The following LSAMP variants were observed in gnomAD, a reference collection of about 807,000 sequenced individuals.
LSAMP encodes limbic system associated membrane protein.
In LSAMP, 7 loss-of-function variants were observed where a neutral mutation model predicts 38.6. The observed-to-expected ratio is 0.18, with a 90% CI of 0.10 to 0.34. The LOEUF (loss-of-function observed/expected upper bound fraction) is 0.34, where lower values mean the gene tolerates loss of function less well. Ranked by LOEUF, LSAMP falls within the 10% of genes least tolerant of loss-of-function variation. LSAMP has a pLI of 1.00. For missense variants in LSAMP, 313 were observed against 420.0 expected (o/e 0.75, Z 2.23); for synonymous variants, 154 against 166.8 (o/e 0.92, Z 0.59).
At chr3:116,092,573 TTAGTA>T (rs1316151731) in intron 1 of LSAMP, among the ~76,000 whole-genome samples, 1 of 152,196 alleles carries the variant, frequency 6.6e-6, no homozygotes, top group African/African-American at 2.4e-5. Flanking sequence ...TCTTCCCTGT[TTAGTA>T]TATTTGATTC....
intron 3 of LSAMP, among the ~76,000 whole-genome samples, chr3:115,861,738 A>G (rs767657994): frequency 6.6e-6 from 1 of 152,174 alleles, no homozygotes; most frequent in Non-Finnish European, 1.5e-5. Flanking sequence ...CCATTCTAAT[A>G]TGGTTGGTAT....
intron 1 of LSAMP, among the ~76,000 whole-genome samples, chr3:116,191,551 A>G (rs767382612): frequency 3.3e-5 from 5 of 152,044 alleles, no homozygotes; most frequent in Non-Finnish European, 7.4e-5. Context: ...AGGGCTGAGG[A>G]TTCCAGTCAA....
At chr3:116,252,552 C>T (rs577399737) in intron 1 of LSAMP, among the ~76,000 whole-genome samples, 1 of 152,122 alleles carries the variant, frequency 6.6e-6, no homozygotes, top group Non-Finnish European at 1.5e-5. Context: ...GGAACACTAT[C>T]AGCGTGATGA....
intron 1 of LSAMP, among the ~76,000 whole-genome samples, chr3:116,244,714 C>A (rs376445396): frequency 2.0e-5 from 3 of 152,294 alleles, no homozygotes; most frequent in East Asian, 1.9e-4. Context: ...AGAAAACAAA[C>A]TCCAAAAACA....
intron 1 of LSAMP, among the ~76,000 whole-genome samples, chr3:116,272,613 A>G (rs1195352136): frequency 6.6e-6 from 1 of 152,158 alleles, no homozygotes; most frequent in Non-Finnish European, 1.5e-5. Flanking sequence ...TGTTGCTGTT[A>G]TCCATGGTGT....
At chr3:116,339,407 G>A (rs2047963985) in intron 1 of LSAMP, among the ~76,000 whole-genome samples, 1 of 151,794 alleles carries the variant, frequency 6.6e-6, no homozygotes, top group African/African-American at 2.4e-5. Flanking sequence ...TAAGAAAGAG[G>A]GTTCTTCAAA....
At chr3:116,441,440 A>G (rs2107890439) in intron 1 of LSAMP, among the ~76,000 whole-genome samples, 1 of 152,330 alleles carries the variant, frequency 6.6e-6, no homozygotes, top group Admixed American at 6.5e-5. Context: ...CTTTGTGGCC[A>G]AATATTTTAT....
At chr3:116,155,214 GTTTT>G (rs994910904) in intron 1 of LSAMP, among the ~76,000 whole-genome samples, 1 of 151,266 alleles carries the variant, frequency 6.6e-6, no homozygotes, top group South Asian at 2.1e-4. Flanking sequence ...ATTGAGGTCT[GTTTT>G]TTTTGTTTTG....
intron 1 of LSAMP, among the ~76,000 whole-genome samples, chr3:116,216,890 A>AG: frequency 6.6e-6 from 1 of 152,232 alleles, no homozygotes; most frequent in African/African-American, 2.4e-5. Context: ...TGGAACAGGA[A>AG]GAGGAATGCC....
Position 116,077,712 on chromosome 3 carries a change from T to C in LSAMP, c.388+8612A>G, listed in dbSNP as rs919737895. 3.9e-5 allele frequency among the ~76,000 whole-genome samples: 6 copies of C among 152,334 alleles called. No individual in the cohort carries two copies. In the East Asian group the frequency reaches 1.2e-3, roughly 29 times the overall value. On this transcript the variant is annotated intron_variant, in intron 2 of 6. Coordinates refer to ENST00000490035, the MANE Select transcript of LSAMP (RefSeq NM_002338.5). Reference sequence around the variant, plus strand: ...TCACCCAGACTCTACTTAAGTTTTGTCAATTGCTGCGTCATGCCTTGTCTA... The same window carrying C: ...TCACCCAGACTCTACTTAAGTTTTGCCAATTGCTGCGTCATGCCTTGTCTA...
At position 116,386,202 on chromosome 3, in the gene LSAMP, G is replaced by A. The variant is rs150022469; in HGVS notation, c.155+58675C>T. On this transcript the variant is annotated intron_variant, in intron 1 of 6. Coordinates refer to ENST00000490035, the MANE Select transcript of LSAMP (RefSeq NM_002338.5). ...CCAATAACACAATGGTTAAGATCAC[G>A]GGATTGGAGTCAAAGGGGTATCTGA... is the stretch of plus-strand genomic sequence containing the variant. Among the ~76,000 whole-genome samples the A allele has an allele frequency of 3.4e-3, 524 of 152,178 alleles. 3 individuals carry two copies. Among genetic ancestry groups the A allele is most frequent in the African/African-American group, 0.012 (499 of 41,514 alleles).
intron 2 of LSAMP, among the ~76,000 whole-genome samples, chr3:116,044,622 TA>T (rs56917180): frequency 0.24 from 32,192 of 135,982 alleles, 4,253 homozygotes; most frequent in African/African-American, 0.41. Flanking sequence ...TAATTGTATC[TA>T]AAAAAAAAAA....
intron 6 of LSAMP, among the ~76,000 whole-genome samples, chr3:115,818,722 G>A: frequency 7.3e-6 from 1 of 136,644 alleles, no homozygotes; most frequent in Non-Finnish European, 1.6e-5. Context: ...GGCATTGCAA[G>A]TCCAAAGAAT....
At chr3:116,238,059 A>C (rs975245961) in intron 1 of LSAMP, among the ~76,000 whole-genome samples, 3 of 152,170 alleles carry the variant, frequency 2.0e-5, no homozygotes, top group Non-Finnish European at 4.4e-5. Flanking sequence ...GTGGTAACCA[A>C]AAATGTCTCA....
At chr3:116,203,327 T>C (rs1048908982) in intron 1 of LSAMP, among the ~76,000 whole-genome samples, 60 of 152,300 alleles carry the variant, frequency 3.9e-4, no homozygotes, top group African/African-American at 1.4e-3. Context: ...TGAATATATA[T>C]AGAATTTGAT....
intron 3 of LSAMP, among the ~76,000 whole-genome samples, chr3:115,986,624 T>C (rs1394834598): frequency 6.6e-6 from 1 of 151,438 alleles, no homozygotes; most frequent in Non-Finnish European, 1.5e-5. Context: ...CCACTTCAGA[T>C]GTGATTAAGG....
chr3:115,865,189 G>C (rs1935822295), intron 3 of LSAMP, among the ~76,000 whole-genome samples: 1 of 152,178 alleles, frequency 6.6e-6, no homozygotes, highest in Non-Finnish European at 1.5e-5. Context: ...TTCTGTCCAA[G>C]AATCACATAT....
At chr3:116,018,842 T>A (rs1422215395) in intron 3 of LSAMP, among the ~76,000 whole-genome samples, 17 of 152,284 alleles carry the variant, frequency 1.1e-4, no homozygotes, top group Non-Finnish European at 1.8e-4. Flanking sequence ...AGTTTCTGAT[T>A]TTGACTGAAT....
At position 116,235,965 on chromosome 3, in the gene LSAMP, CCAG is replaced by C. The variant is rs532429866; in HGVS notation, c.156-149412_156-149410del. 1.2e-4 allele frequency among the ~76,000 whole-genome samples: 19 copies of C among 152,228 alleles called. 1 individual carries two copies. In the East Asian group the frequency reaches 3.5e-3, roughly 28 times the overall value. ...ATGTTTGTCAACATATGTGAAAATA[CCAG>C]CAGGGACATTACAGGTGCGGAATAA... On this transcript the variant is annotated intron_variant, in intron 1 of 6. Coordinates refer to ENST00000490035, the MANE Select transcript of LSAMP (RefSeq NM_002338.5).
Sources: gnomAD v4.1 joint callset for allele counts (sites outside exome capture counted in the v4.1 genomes callset) on GRCh38, gnomAD v4.1.1 for gene constraint, MANE v1.5 for transcripts, NCBI Gene and HGNC (gene_info 2026-07-23, HGNC 2026-07-21) for gene names.